GIMAP8: variants seen among roughly 807,000 people sequenced by gnomAD.
The protein encoded by GIMAP8 is GTPase IMAP family member 8.
A neutral mutation model predicts 35.6 loss-of-function variants in GIMAP8; 29 were observed. That is an observed-to-expected ratio of 0.81 (90% confidence interval 0.61 to 1.11). The LOEUF (loss-of-function observed/expected upper bound fraction) is 1.11, where lower values mean the gene tolerates loss of function less well. Ranked by LOEUF, GIMAP8 falls within the 50% of genes most tolerant of loss-of-function variation. The pLI, the probability that GIMAP8 is intolerant of heterozygous loss-of-function variation, is 0.00. For synonymous variants in GIMAP8, 335 were observed against 308.7 expected, an observed-to-expected ratio of 1.09 and a Z score of -0.89; for missense variants, 811 against 805.0, an observed-to-expected ratio of 1.01 and a Z score of -0.09.
intron 4 of GIMAP8, among the ~76,000 whole-genome samples, chr7:150,476,067 A>G (rs191953474): frequency 1.3e-5 from 2 of 152,314 alleles, no homozygotes; most frequent in East Asian, 3.9e-4. Context: ...CTCTGTAGGT[A>G]CAGAAGTAGG....
intron 1 of GIMAP8, among the ~76,000 whole-genome samples, chr7:150,455,294 T>C (rs1801707300): frequency 6.6e-6 from 1 of 152,234 alleles, no homozygotes; most frequent in South Asian, 2.1e-4. Flanking sequence ...TGACAGCTGA[T>C]TTTTAAAAGT....
In GIMAP8 at chr7:150,466,800, T is replaced by C. The variant is rs192459526; in HGVS notation, c.102T>C (p.His34=). 11 of 1,613,688 alleles carry C rather than the reference T, an allele frequency of 6.8e-6. No individual in the cohort carries two copies. The East Asian group carries it at 2.0e-4, about 29-fold the overall frequency. The change falls in exon 2 of 5, where the codon CAT becomes CAC. Residue 34 remains histidine (H), a synonymous_variant. Transcript: ENST00000307271. ...CAGGAAATGCCATTCTGGGCAAACATGTGTTCAAGTCCAAGTTCAGTGATC... is the reference window on the plus strand; with the variant it reads ...CAGGAAATGCCATTCTGGGCAAACACGTGTTCAAGTCCAAGTTCAGTGATC... ...SATGNAILGK[H]VFKSKFSDQT...
rs1802176543 is a variant in GIMAP8, at chr7:150,474,504, G to T, written c.1175G>T (p.Cys392Phe). The change falls in exon 4 of 5, where the codon TGT (cysteine) becomes TTT (phenylalanine). Residue 392 changes from cysteine to phenylalanine, a missense_variant. Cys to Phe is a radical substitution (Grantham distance 205). Coordinates refer to ENST00000307271, the MANE Select transcript of GIMAP8 (RefSeq NM_175571.4). ...GCTCTCTATGGTCTCATCCAGAAGT[G>T]TAAAAACAGATATAGTGCCTTCAAC... is the stretch of plus-strand genomic sequence containing the variant. ...NKALYGLIQK[C>F]KNRYSAFNYR... 2 of 1,613,476 alleles carry T rather than the reference G, an allele frequency of 1.2e-6. No individual in the cohort carries two copies. The highest frequency in any genetic ancestry group is 1.7e-6 in the Non-Finnish European group (2 of 1,179,606).
intron 1 of GIMAP8, among the ~76,000 whole-genome samples, chr7:150,458,155 T>C (rs943144867): frequency 5.3e-5 from 8 of 152,164 alleles, no homozygotes; most frequent in Admixed American, 5.2e-4. Flanking sequence ...TGTGTGTGTG[T>C]GTGTATGTGT....
rs1802119161 is a variant in GIMAP8 at position 150,472,704 on chromosome 7, T to A, written c.683-1308T>A. On this transcript the variant is annotated intron_variant, in intron 3 of 4. Transcript: ENST00000307271. The surrounding 1 kb of genome is among the most constrained non-coding windows in gnomAD (Gnocchi z 4.1). ...TACACATGGCAGCTGATTTGTATAGTTTTGCGGTGAGCAATTTAGGTGAAG... is the reference window on the plus strand; with the variant it reads ...TACACATGGCAGCTGATTTGTATAGATTTGCGGTGAGCAATTTAGGTGAAG... Among the ~76,000 whole-genome samples, 1 of 152,242 alleles carries A rather than the reference T, an allele frequency of 6.6e-6. No individual in the cohort carries two copies. Among genetic ancestry groups the A allele is most frequent in the African/African-American group, 2.4e-5 (1 of 41,466 alleles).
intron 1 of GIMAP8, among the ~76,000 whole-genome samples, chr7:150,453,930 G>A (rs1284108480): frequency 1.3e-5 from 2 of 151,952 alleles, no homozygotes; most frequent in Non-Finnish European, 2.9e-5. Flanking sequence ...TGCTAGGTAT[G>A]GGGTGGGGGT....
rs1802166274 is a variant in GIMAP8 at position 150,474,105 on chromosome 7, G to GA, written c.781dup (p.Ser261LysfsTer18). On this transcript the variant is annotated frameshift_variant, in exon 4 of 5. Coordinates refer to ENST00000307271, the MANE Select transcript of GIMAP8 (RefSeq NM_175571.4). LOFTEE classifies it high-confidence loss of function. ...CTCCTTGTGGGGAAACGCGGTGCTG[G>GA]AAAAAGTGCAGCAGGAAACAGCATT... is the stretch of plus-strand genomic sequence containing the variant. 1.2e-6 allele frequency: 2 copies of GA among 1,614,056 alleles called. No individual in the cohort carries two copies. The highest frequency in any genetic ancestry group is 1.1e-5 in the South Asian group (1 of 91,086).
At chr7:150,470,768 T>TTTTTTTTTGG in intron 2 of GIMAP8, 61 bp from the exon 3 acceptor site, 2 of 521,944 alleles carry the variant, frequency 3.8e-6, no homozygotes, top group South Asian at 4.2e-5. Context: ...TTTTTTTTTT[T>TTTTTTTTTGG]CAGTTTGTGG....
intron 4 of GIMAP8, among the ~76,000 whole-genome samples, chr7:150,475,113 G>C (rs1802198453): frequency 6.6e-6 from 1 of 152,158 alleles, no homozygotes; most frequent in South Asian, 2.1e-4. Context: ...TTTTCTAAAA[G>C]GCATAGAGAA....
rs749750785 is a variant in GIMAP8 at position 150,467,263 on chromosome 7, G to C, written c.565G>C (p.Val189Leu). ...CCAGGTGTTGGAGCTCCTTCGCAAG[G>C]TTGAGTCTTTGGTGAATACGAACGG... is the stretch of plus-strand genomic sequence containing the variant. ...ITQVLELLRK[V>L]ESLVNTNGGP... The change falls in exon 2 of 5, where the codon GTT becomes CTT. Residue 189 changes from valine (V) to leucine (L), a missense_variant. Coordinates refer to ENST00000307271, the MANE Select transcript of GIMAP8 (RefSeq NM_175571.4). 16 of 1,614,116 alleles carry C rather than the reference G, an allele frequency of 9.9e-6. No homozygotes were observed. The highest frequency in any genetic ancestry group is 1.3e-5 in the Non-Finnish European group (15 of 1,180,024).
At position 150,477,503 on chromosome 7, in the gene GIMAP8, A is replaced by G. The variant is rs1351729171; in HGVS notation, c.1721A>G (p.Asn574Ser). The G allele has an allele frequency of 1.2e-6, 2 of 1,614,174 alleles. No individual in the cohort carries two copies. The highest frequency in any genetic ancestry group is 1.7e-6 in the Non-Finnish European group (2 of 1,180,018). Residue 574 changes from asparagine to serine, a missense_variant, in exon 5 of 5, where the codon AAT becomes AGT. Physicochemically the swap from Asn to Ser is conservative, Grantham distance 46. Transcript: ENST00000307271. Reference sequence around the variant, plus strand: ...CGGAAGGAAGACCTAGGGGCGGGGAATTTGGAAGACTTCATGAAGAACTCA... The same window carrying G: ...CGGAAGGAAGACCTAGGGGCGGGGAGTTTGGAAGACTTCATGAAGAACTCA... ...FTRKEDLGAG[N>S]LEDFMKNSDN...
In GIMAP8 at chr7:150,477,425, T is replaced by G; in HGVS notation, c.1643T>G (p.Leu548Arg). 6.2e-7 allele frequency: 1 copy of G among 1,613,862 alleles called. No individual in the cohort carries two copies. The highest frequency in any genetic ancestry group is 8.5e-7 in the Non-Finnish European group (1 of 1,179,720). The change falls in exon 5 of 5, where the codon CTG becomes CGG. Residue 548 changes from leucine to arginine, a missense_variant. By Grantham distance (102) the Leu-to-Arg change is moderately radical (BLOSUM62 -2). Coordinates refer to ENST00000307271, the MANE Select transcript of GIMAP8 (RefSeq NM_175571.4). ...TEEDKTAVAK[L>R]EAIFGADFTK... ...GAGGACAAAACAGCTGTGGCGAAAC[T>G]GGAGGCCATCTTTGGAGCAGACTTT... is the stretch of plus-strand genomic sequence containing the variant.
rs750948927 is a variant in GIMAP8 at position 150,474,542 on chromosome 7, G to A, written c.1213G>A (p.Gly405Arg). The stretch of plus-strand genomic sequence containing the variant: ...TAGTGCCTTCAACTACCGGGCAACA[G>A]GAGAAGAAGAGCAAAGGCAGGCGGA... ...RYSAFNYRAT[G>R]EEEQRQADEL... The change falls in exon 4 of 5, where the codon GGA becomes AGA. Residue 405 changes from glycine (G) to arginine (R), a missense_variant. Gly to Arg is a moderately radical substitution (Grantham distance 125). Coordinates refer to ENST00000307271, the MANE Select transcript of GIMAP8 (RefSeq NM_175571.4). The A allele has an allele frequency of 2.5e-6, 4 of 1,577,794 alleles. No homozygotes were observed. The East Asian group carries it at 6.7e-5, about 26-fold the overall frequency.
At position 150,477,623 on chromosome 7, in the gene GIMAP8, T is replaced by C. The variant is rs764501505; in HGVS notation, c.1841T>C (p.Val614Ala). The change falls in exon 5 of 5, where the codon GTG becomes GCG. Residue 614 changes from valine to alanine, a missense_variant. By Grantham distance (64) the Val-to-Ala change is moderately conservative. Coordinates refer to ENST00000307271, the MANE Select transcript of GIMAP8 (RefSeq NM_175571.4). ...KETGQAQETQVKALLTKVNDL... is the reference protein window; with the variant it reads ...KETGQAQETQAKALLTKVNDL... ...ACAGGCCAGGCCCAGGAAACCCAGG[T>C]GAAAGCTCTTTTAACAAAGGTCAAT... is the stretch of plus-strand genomic sequence containing the variant. The C allele has an allele frequency of 6.2e-7, 1 of 1,614,082 alleles. No homozygotes were observed. The highest frequency in any genetic ancestry group is 8.5e-7 in the Non-Finnish European group (1 of 1,180,012).
Position 150,467,117 on chromosome 7 carries a change from G to T in GIMAP8, c.419G>T (p.Gly140Val), listed in dbSNP as rs1181536393. ...IIVFTRKDDL[G>V]DDLLQDFIEK... ...GTCTTCACTCGGAAGGATGATTTGG[G>T]GGATGACTTGCTGCAAGATTTCATT... Residue 140 changes from glycine (G) to valine (V), a missense_variant, in exon 2 of 5, where the codon GGG becomes GTG. Physicochemically the swap from Gly to Val is moderately radical, Grantham distance 109. Coordinates refer to ENST00000307271, the MANE Select transcript of GIMAP8 (RefSeq NM_175571.4). The T allele has an allele frequency of 6.2e-7, 1 of 1,614,030 alleles. No individual in the cohort carries two copies. The highest frequency in any genetic ancestry group is 1.3e-5 in the African/African-American group (1 of 74,884).
chr7:150,474,410 A>G lies in GIMAP8; in HGVS notation c.1081A>G (p.Ile361Val). 6.2e-7 allele frequency: 1 copy of G among 1,614,126 alleles called. No homozygotes were observed. Among genetic ancestry groups the G allele is most frequent in the Non-Finnish European group, 8.5e-7 (1 of 1,179,976 alleles). Reference sequence around the variant, plus strand: ...AGAAAAATTCTTTGAGTACATGATCATACTTCTTACCAGGAAAGAAGATTT... The same window carrying G: ...AGAAAAATTCTTTGAGTACATGATCGTACTTCTTACCAGGAAAGAAGATTT... ...FGEKFFEYMI[I>V]LLTRKEDLGD... The change falls in exon 4 of 5, where the codon ATA becomes GTA. Residue 361 changes from isoleucine (I) to valine (V), a missense_variant. By Grantham distance (29) the Ile-to-Val change is conservative. Coordinates refer to ENST00000307271, the MANE Select transcript of GIMAP8 (RefSeq NM_175571.4).
chr7:150,461,343 A>G (rs1801840811), intron 1 of GIMAP8, among the ~76,000 whole-genome samples: 1 of 152,176 alleles, frequency 6.6e-6, no homozygotes, highest in South Asian at 2.1e-4. Context: ...GTCTCCACCT[A>G]TTATTGTATT....
Position 150,457,254 on chromosome 7 carries a change from G to A in GIMAP8, c.-29+6079G>A, listed in dbSNP as rs540942798. ...GCTCATGCCATTGTTTGTGGTTTAG[G>A]AACACCTCGAGCGATTTTCCGCCCT... On this transcript the variant is annotated intron_variant, in intron 1 of 4. Transcript: ENST00000307271. 2.0e-5 allele frequency among the ~76,000 whole-genome samples: 3 copies of A among 152,350 alleles called. No individual in the cohort carries two copies. In the East Asian group the frequency reaches 5.8e-4, roughly 29 times the overall value.
At chr7:150,459,411 C>T (rs1409834436) in intron 1 of GIMAP8, among the ~76,000 whole-genome samples, 2 of 152,126 alleles carry the variant, frequency 1.3e-5, no homozygotes, top group Non-Finnish European at 2.9e-5. Flanking sequence ...GAACTAAGAC[C>T]TCTAGGCCAG....
Sources: gnomAD v4.1 joint callset for allele counts (sites outside exome capture counted in the v4.1 genomes callset) on GRCh38, gnomAD v4.1.1 for gene constraint, Gnocchi (gnomAD v3.1) non-coding constraint, MANE v1.5 for transcripts, NCBI Gene and HGNC (gene_info 2026-07-23, HGNC 2026-07-21) for gene names.